Variants in C12orf42 observed in about 807,000 individuals in gnomAD.
The protein encoded by C12orf42 is chromosome 12 open reading frame 42.
A neutral mutation model predicts 21.6 loss-of-function variants in C12orf42; 25 were observed. The ratio of observed to expected loss-of-function variants is 1.16; its 90% CI spans 0.84 to 1.62. The LOEUF (loss-of-function observed/expected upper bound fraction) is 1.62, where lower values mean the gene tolerates loss of function less well. Ranked by LOEUF, C12orf42 falls within the 40% of genes most tolerant of loss-of-function variation. C12orf42 has a pLI of 0.00. For synonymous variants in C12orf42, 174 were observed against 175.0 expected, an observed-to-expected ratio of 0.99 and a Z score of 0.05; for missense variants, 483 against 459.3, an observed-to-expected ratio of 1.05 and a Z score of -0.47.
chr12:103,460,947 T>C (rs145780605), intron 2 of C12orf42, among the ~76,000 whole-genome samples: 75 of 152,292 alleles, frequency 4.9e-4, no homozygotes, highest in African/African-American at 1.5e-3. Flanking sequence ...TCCATGATCA[T>C]CTGGGATTTT....
chr12:103,313,124 A>G (rs2039129634), intron 4 of C12orf42, among the ~76,000 whole-genome samples: 1 of 152,210 alleles, frequency 6.6e-6, no homozygotes. Flanking sequence ...AAAAGGAGAA[A>G]TGAAACAGAG....
At chr12:103,203,267 C>T in the C12orf42 span, among the ~76,000 whole-genome samples, 2 of 152,172 alleles carry the variant, frequency 1.3e-5, no homozygotes, top group East Asian at 3.9e-4. Flanking sequence ...GCCCCTGATC[C>T]CCAATCCCGT....
At chr12:103,354,573 C>A (rs1366306633) in intron 4 of C12orf42, among the ~76,000 whole-genome samples, 1 of 152,156 alleles carries the variant, frequency 6.6e-6, no homozygotes, top group East Asian at 1.9e-4. Context: ...TTTCCTATAG[C>A]TGCCTCCAGT....
chr12:103,452,199 G>C (rs958778045), intron 2 of C12orf42, among the ~76,000 whole-genome samples: 1 of 151,928 alleles, frequency 6.6e-6, no homozygotes, highest in South Asian at 2.1e-4. Context: ...GGGATGACTG[G>C]ATTACAGGTT....
chr12:103,055,294 T>G, the C12orf42 span, among the ~76,000 whole-genome samples: 3 of 151,896 alleles, frequency 2.0e-5, no homozygotes. Flanking sequence ...GTGAGTAGTT[T>G]GTGATTTTTG....
At chr12:103,159,469 G>A in the C12orf42 span, 1 of 152,234 alleles carries the variant, frequency 6.6e-6, no homozygotes, top group African/African-American at 2.4e-5. Flanking sequence ...AAAGCTTCCA[G>A]TCTTGTCACT....
the C12orf42 span, among the ~76,000 whole-genome samples, chr12:103,518,736 A>C: frequency 6.6e-6 from 1 of 152,140 alleles, no homozygotes; most frequent in Non-Finnish European, 1.5e-5. Context: ...TATCTTTTTT[A>C]ATCCGTATTT....
chr12:103,152,657 C>A, the C12orf42 span, among the ~76,000 whole-genome samples: 3 of 151,810 alleles, frequency 2.0e-5, no homozygotes, highest in Non-Finnish European at 2.9e-5. Context: ...AGTCCAATGT[C>A]AATAAACGAC....
rs955124226 is a variant in C12orf42, at chr12:103,376,765, G to A, written c.148-7767C>T. On this transcript the variant is annotated intron_variant, in intron 3 of 5. Transcript: ENST00000548883. The stretch of plus-strand genomic sequence containing the variant: ...ATTATAACAAAGTGTCTTAGTGTGG[G>A]TTTTCTTTCATTATACTGGGCACTC... 2.0e-5 allele frequency among the ~76,000 whole-genome samples: 3 copies of A among 152,036 alleles called. No homozygotes were observed. In the South Asian group the frequency reaches 6.2e-4, roughly 32 times the overall value.
chr12:103,232,887 G>A (rs184808723), downstream of C12orf42, among the ~76,000 whole-genome samples: 3 of 152,004 alleles, frequency 2.0e-5, no homozygotes, highest in East Asian at 1.9e-4. Flanking sequence ...ATAATATTTC[G>A]AAGTTTTGAG....
At chr12:103,334,668 A>C (rs2041534327) in intron 4 of C12orf42, among the ~76,000 whole-genome samples, 1 of 152,058 alleles carries the variant, frequency 6.6e-6, no homozygotes, top group African/African-American at 2.4e-5. Flanking sequence ...GCCCCAGCCC[A>C]TCTGTTCTCC....
chr12:103,353,821 C>T (rs990505834), intron 4 of C12orf42, among the ~76,000 whole-genome samples: 7 of 152,140 alleles, frequency 4.6e-5, no homozygotes, highest in African/African-American at 1.7e-4. Flanking sequence ...TGGGAACCAC[C>T]AGCCCTTCAC....
At chr12:103,331,849 G>A (rs1201374641) in intron 4 of C12orf42, among the ~76,000 whole-genome samples, 1 of 152,138 alleles carries the variant, frequency 6.6e-6, no homozygotes, top group Non-Finnish European at 1.5e-5. Context: ...CCCACAAGGG[G>A]GAAGACACAG....
the C12orf42 span, among the ~76,000 whole-genome samples, chr12:103,541,016 G>C: frequency 6.6e-6 from 1 of 152,006 alleles, no homozygotes; most frequent in Non-Finnish European, 1.5e-5. Flanking sequence ...CGATTCTCCT[G>C]TCTCAGCCTC....
At chr12:103,110,538 A>G in the C12orf42 span, among the ~76,000 whole-genome samples, 1 of 152,108 alleles carries the variant, frequency 6.6e-6, no homozygotes, top group Non-Finnish European at 1.5e-5. Context: ...TTTTTGTTAA[A>G]ATCTAAGTGG....
At chr12:103,271,822 T>G (rs1167053270) in intron 5 of C12orf42, among the ~76,000 whole-genome samples, 2 of 152,190 alleles carry the variant, frequency 1.3e-5, no homozygotes, top group Non-Finnish European at 2.9e-5. Flanking sequence ...GGCTTTTACC[T>G]TGCTGATAGA....
At chr12:103,506,857 A>ATT in the C12orf42 span, among the ~76,000 whole-genome samples, 1 of 77,020 alleles carries the variant, frequency 1.3e-5, no homozygotes, top group Non-Finnish European at 2.2e-5. Context: ...ATATTTATAT[A>ATT]TTATATATAT....
chr12:103,109,711 A>C, the C12orf42 span, among the ~76,000 whole-genome samples: 1 of 151,356 alleles, frequency 6.6e-6, no homozygotes, highest in African/African-American at 2.4e-5. Context: ...TTAAAATTTA[A>C]ATATCTATAT....
At chr12:103,132,237 A>G in the C12orf42 span, among the ~76,000 whole-genome samples, 1 of 152,194 alleles carries the variant, frequency 6.6e-6, no homozygotes, top group African/African-American at 2.4e-5. Context: ...CACCTAACAG[A>G]ATATTGGAAT....
Sources: gnomAD v4.1 joint callset for allele counts (sites outside exome capture counted in the v4.1 genomes callset) on GRCh38, gnomAD v4.1.1 for gene constraint, MANE v1.5 for transcripts, NCBI Gene and HGNC (gene_info 2026-07-23, HGNC 2026-07-21) for gene names.